Variants in INSYN1 observed in about 807,000 individuals in gnomAD.
INSYN1 encodes inhibitory synaptic factor 1, also known as UPF0583 protein C15orf59.
INSYN1 carries 7 observed loss-of-function variants against 17.1 expected under a neutral mutation model. That is an observed-to-expected ratio of 0.41 (90% CI 0.23 to 0.77). INSYN1 has a LOEUF of 0.77. Among genes scored for constraint, INSYN1 ranks in the 30% least tolerant of loss-of-function variants. The pLI is 0.32. For synonymous variants in INSYN1, 174 were observed against 166.3 expected, an observed-to-expected ratio of 1.05 and a Z score of -0.36; for missense variants, 339 against 400.6, an observed-to-expected ratio of 0.85 and a Z score of 1.31.
intron 2 of INSYN1, among the ~76,000 whole-genome samples, chr15:73,747,327 C>A (rs1253166010): frequency 6.6e-6 from 1 of 152,152 alleles, no homozygotes; most frequent in African/African-American, 2.4e-5. Flanking sequence ...CTGCTGACTG[C>A]AGGAGAAACT....
At chr15:73,740,790 GAGGT>G (rs1200660293) in intron 2 of INSYN1, 148 bp from the exon 3 acceptor site, 1 of 715,522 alleles carries the variant, frequency 1.4e-6, no homozygotes, top group Non-Finnish European at 2.4e-6. Flanking sequence ...GACTGGCCTG[GAGGT>G]CACAGGTTGG....
rs2141475002 is a variant in INSYN1 at position 73,752,185 on chromosome 15, A to G, written c.-643T>C. The G allele has an allele frequency of 6.6e-6, 1 of 152,208 alleles. No individual in the cohort carries two copies. Among genetic ancestry groups the G allele is most frequent in the African/African-American group, 2.4e-5 (1 of 41,458 alleles). The allele number at this position is 152,208 out of a possible 1,614,324, so 9.4% of individuals were successfully genotyped here. ...CCAAGACGGAGTTGGGGGGCCCCCA[A>G]GGCTCCCTAGGGCGGGCTTCTCTCT... On this transcript the variant is annotated 5_prime_UTR_variant, in exon 1 of 3. Coordinates refer to ENST00000569673, the MANE Select transcript of INSYN1 (RefSeq NM_001039614.3). This position sits in a 1 kb window ranked among gnomAD's most constrained non-coding sequence, Gnocchi z 5.2.
At position 73,751,342 on chromosome 15, in the gene INSYN1, CAG is replaced by C; in HGVS notation, c.-214_-213del. On this transcript the variant is annotated 5_prime_UTR_variant, in exon 2 of 3. Coordinates refer to ENST00000569673, the MANE Select transcript of INSYN1 (RefSeq NM_001039614.3). ...GGAGAGTGGGACACCCAGAGGGAGA[CAG>C]AGTCTAGCAGAGGGGGTCAAGGTGA... 3.5e-6 allele frequency: 2 copies of C among 577,566 alleles called. No homozygotes were observed. The highest frequency in any genetic ancestry group is 4.0e-5 in the South Asian group (2 of 50,178). The allele number at this position is 577,566 out of a possible 1,614,324, so 35.8% of individuals were successfully genotyped here.
rs777519039 is a variant in INSYN1, at chr15:73,740,144, G to A, written c.655C>T (p.Pro219Ser). ...EVEEEEVGLP[P>S]EPAHTEAHAG... ...TGGGCCTCTGTATGGGCAGGCTCAG[G>A]GGGCAAGCCCACTTCTTCCTCCTCC... Residue 219 changes from proline (P) to serine (S), a missense_variant, in exon 3 of 3, where the codon CCT becomes TCT. Transcript: ENST00000569673. 28 of 1,613,750 alleles carry A rather than the reference G, an allele frequency of 1.7e-5. No individual in the cohort carries two copies. Among genetic ancestry groups the A allele is most frequent in the Non-Finnish European group, 2.3e-5 (27 of 1,179,906 alleles).
chr15:73,744,976 G>A (rs1289719697), intron 2 of INSYN1, among the ~76,000 whole-genome samples: 1 of 141,690 alleles, frequency 7.1e-6, no homozygotes, highest in Non-Finnish European at 1.5e-5. Context: ...CCAAGAGGGA[G>A]CCCTAGAGAG....
In INSYN1 at chr15:73,735,482, C is replaced by T. The variant is rs1003918126; in HGVS notation, c.*4435G>A. The T allele has an allele frequency of 6.6e-6, 1 of 152,184 alleles. No homozygotes were observed. The allele number at this position is 152,184 out of a possible 1,614,324, so 9.4% of individuals were successfully genotyped here. On this transcript the variant is annotated 3_prime_UTR_variant, in exon 3 of 3. Coordinates refer to ENST00000569673, the MANE Select transcript of INSYN1 (RefSeq NM_001039614.3). ...ATTCATTCAACAAACATTTATTGAA[C>T]CCATAATCCATTTGGTGCCAGTCTC...
At chr15:73,749,213 CT>C (rs760062566) in intron 2 of INSYN1, among the ~76,000 whole-genome samples, 7 of 152,150 alleles carry the variant, frequency 4.6e-5, no homozygotes, top group Non-Finnish European at 1.0e-4. Context: ...AGTAGCTCAC[CT>C]GCTGAAACCC....
chr15:73,751,464 G>C lies in INSYN1; in HGVS notation c.-334C>G, dbSNP rs897623196. ...GTGTGCAGAGCTGATCTCTGCCTGA[G>C]CTTGAACACAGAGGCAGGGGGATGA... On this transcript the variant is annotated 5_prime_UTR_variant, in exon 2 of 3. Coordinates refer to ENST00000569673, the MANE Select transcript of INSYN1 (RefSeq NM_001039614.3). The C allele has an allele frequency of 6.0e-6, 2 of 336,030 alleles. No homozygotes were observed. Among genetic ancestry groups the C allele is most frequent in the Non-Finnish European group, 1.1e-5 (2 of 176,434 alleles). 20.8% of individuals were successfully genotyped at this position (336,030 alleles called of 1,614,324 possible).
chr15:73,745,975 T>C (rs1471147415), intron 2 of INSYN1, among the ~76,000 whole-genome samples: 5 of 151,686 alleles, frequency 3.3e-5, no homozygotes, highest in African/African-American at 1.2e-4. Flanking sequence ...CTTAAGGCCT[T>C]AGAGCTAGGA....
chr15:73,740,085 G>A lies in INSYN1; in HGVS notation c.714C>T (p.Tyr238=). The change falls in exon 3 of 3, where the codon TAC becomes TAT. Residue 238 remains tyrosine (Y), a synonymous_variant. Coordinates refer to ENST00000569673, the MANE Select transcript of INSYN1 (RefSeq NM_001039614.3). ...TGGTCAGTGGAGAGCGCCGTGACTT[G>A]TAGGGGGCTGGGGAGGGCTTGTGGG... is the stretch of plus-strand genomic sequence containing the variant. ...AGPHKPSPAP[Y]KSRRSPLTSR... The A allele has an allele frequency of 1.9e-6, 3 of 1,613,718 alleles. No homozygotes were observed. Among genetic ancestry groups the A allele is most frequent in the Non-Finnish European group, 2.5e-6 (3 of 1,179,790 alleles).
rs1014224918 is a variant in INSYN1, at chr15:73,738,809, G to A, written c.*1108C>T. On this transcript the variant is annotated 3_prime_UTR_variant, in exon 3 of 3. Transcript: ENST00000569673. ...GCTGCTATAAAAAGTATTCGGCATA[G>A]AAGTAGCATAGAGACCTGCTCAATA... The A allele has an allele frequency of 1.3e-5, 2 of 152,244 alleles. No individual in the cohort carries two copies. Among genetic ancestry groups the A allele is most frequent in the African/African-American group, 4.8e-5 (2 of 41,462 alleles). 9.4% of individuals were successfully genotyped at this position (152,244 alleles called of 1,614,324 possible).
rs1901973850 is a variant in INSYN1, at chr15:73,751,199, G to A, written c.-69C>T. On this transcript the variant is annotated 5_prime_UTR_variant, in exon 2 of 3. Transcript: ENST00000569673. Reference sequence around the variant, plus strand: ...GGGCACACACTGCGTCTGCCTCCACGGAGCCCCCCTCGGCTGGGCAGAGCT... The same window carrying A: ...GGGCACACACTGCGTCTGCCTCCACAGAGCCCCCCTCGGCTGGGCAGAGCT... The A allele has an allele frequency of 5.1e-6, 8 of 1,570,910 alleles. No homozygotes were observed. The highest frequency in any genetic ancestry group is 1.7e-5 in the Admixed American group (1 of 57,620).
chr15:73,742,942 C>T (rs1316354924), intron 2 of INSYN1, among the ~76,000 whole-genome samples: 1 of 152,200 alleles, frequency 6.6e-6, no homozygotes, highest in East Asian at 1.9e-4. Flanking sequence ...GGTCCAGAGA[C>T]CTGCTTTGAA....
intron 2 of INSYN1, among the ~76,000 whole-genome samples, chr15:73,741,690 G>C (rs1331960581): frequency 2.0e-5 from 3 of 152,222 alleles, no homozygotes; most frequent in African/African-American, 7.2e-5. Flanking sequence ...CCAAGAGTCA[G>C]AGTAACAGAG....
chr15:73,751,752 A>T (rs1013429414), intron 1 of INSYN1, 55 bp from the exon 2 acceptor site: 5 of 153,116 alleles, frequency 3.3e-5, no homozygotes, highest in African/African-American at 1.2e-4. Flanking sequence ...ACCAGCCGGC[A>T]ATGCCGCTGC....
rs538069934 is a variant in INSYN1, at chr15:73,735,606, G to A, written c.*4311C>T. On this transcript the variant is annotated 3_prime_UTR_variant, in exon 3 of 3. Transcript: ENST00000569673. ...CTCACCCCAACACTCCCCTCACCCC[G>A]AAGACCCGCCTGGCTCTCAGACGAC... The A allele has an allele frequency of 3.5e-4, 54 of 152,166 alleles. 1 individual carries two copies. Among genetic ancestry groups the A allele is most frequent in the Admixed American group, 3.1e-3 (48 of 15,286 alleles). 9.4% of individuals were successfully genotyped at this position (152,166 alleles called of 1,614,324 possible). A position where few individuals can be genotyped will look rare whatever the true frequency, so the allele number is the denominator to read the frequency against.
chr15:73,742,040 A>T (rs1901704201), intron 2 of INSYN1, among the ~76,000 whole-genome samples: 1 of 152,186 alleles, frequency 6.6e-6, no homozygotes, highest in Non-Finnish European at 1.5e-5. Flanking sequence ...CCAGTCTGTA[A>T]GCGAAGAGGG....
chr15:73,745,131 C>T (rs1307327882), intron 2 of INSYN1, among the ~76,000 whole-genome samples: 1 of 152,132 alleles, frequency 6.6e-6, no homozygotes, highest in Non-Finnish European at 1.5e-5. Flanking sequence ...TTCCTCCCAG[C>T]TCTTGCTTCA....
At chr15:73,748,378 A>G (rs747125084) in intron 2 of INSYN1, among the ~76,000 whole-genome samples, 3 of 152,090 alleles carry the variant, frequency 2.0e-5, no homozygotes, top group Non-Finnish European at 4.4e-5. Flanking sequence ...CACCAAGCAT[A>G]TGTGCAGCCC....
Sources: allele counts gnomAD v4.1 joint callset (sites outside exome capture counted in the v4.1 genomes callset), GRCh38; gene constraint gnomAD v4.1.1; non-coding constraint Gnocchi (gnomAD v3.1); transcripts MANE v1.5; gene names NCBI Gene and HGNC (gene_info 2026-07-23, HGNC 2026-07-21).